The following COL5A2 variants were observed in gnomAD, a reference collection of about 807,000 sequenced individuals.
COL5A2 encodes collagen alpha-2(V) chain.
A neutral mutation model predicts 208.2 loss-of-function variants in COL5A2; 23 were observed. The ratio of observed to expected loss-of-function variants is 0.11; its 90% CI spans 0.08 to 0.16. The LOEUF (loss-of-function observed/expected upper bound fraction) is 0.16. Among genes scored for constraint, COL5A2 ranks in the 10% least tolerant of loss-of-function variants. The pLI, the probability that COL5A2 is intolerant of heterozygous loss-of-function variation, is 1.00. For missense variants in COL5A2, 1,590 were observed against 1,956.4 expected (o/e 0.81, Z 3.53); for synonymous variants, 625 against 628.5 (o/e 0.99, Z 0.08).
the COL5A2 span, among the ~76,000 whole-genome samples, chr2:189,253,967 A>T: frequency 6.6e-6 from 1 of 152,224 alleles, no homozygotes; most frequent in African/African-American, 2.4e-5. Flanking sequence ...TCACTCACTC[A>T]CACACTCAGT....
chr2:189,369,660 C>A, the COL5A2 span, among the ~76,000 whole-genome samples: 9 of 152,168 alleles, frequency 5.9e-5, no homozygotes, highest in East Asian at 1.7e-3. Flanking sequence ...AATTGAGAGC[C>A]AGTATTCTAC....
At chr2:189,136,190 CAT>C (rs907358850) in intron 1 of COL5A2, among the ~76,000 whole-genome samples, 1 of 152,172 alleles carries the variant, frequency 6.6e-6, no homozygotes, top group Non-Finnish European at 1.5e-5. Context: ...CTATGCTACA[CAT>C]GTTCATAGGA....
chr2:189,297,486 C>CA, the COL5A2 span, among the ~76,000 whole-genome samples: 3 of 152,100 alleles, frequency 2.0e-5, no homozygotes, highest in Admixed American at 2.0e-4. Context: ...ACTATGTACT[C>CA]AAAAAATTAA....
chr2:189,362,741 A>G, the COL5A2 span, among the ~76,000 whole-genome samples: 1 of 152,148 alleles, frequency 6.6e-6, no homozygotes, highest in African/African-American at 2.4e-5. Flanking sequence ...GGAAATATTC[A>G]CTAGAAAGAT....
the COL5A2 span, among the ~76,000 whole-genome samples, chr2:189,305,243 C>T: frequency 2.0e-5 from 3 of 152,170 alleles, no homozygotes; most frequent in Non-Finnish European, 2.9e-5. Flanking sequence ...ATGCGTGGGC[C>T]CAACAGCAGA....
chr2:189,414,724 A>T, the COL5A2 span, among the ~76,000 whole-genome samples: 1 of 137,442 alleles, frequency 7.3e-6, no homozygotes, highest in Non-Finnish European at 1.5e-5. Flanking sequence ...ACCCCACTCC[A>T]GCCTGGGTGA....
chr2:189,158,965 T>C (rs1001551859), intron 1 of COL5A2, among the ~76,000 whole-genome samples: 2 of 152,176 alleles, frequency 1.3e-5, no homozygotes, highest in African/African-American at 4.8e-5. Flanking sequence ...AATATATAGA[T>C]TGATTATTTG....
At chr2:189,311,131 A>G in the COL5A2 span, 1 of 590,302 alleles carries the variant, frequency 1.7e-6, no homozygotes, top group Non-Finnish European at 3.0e-6. Flanking sequence ...ATCCAAGGCA[A>G]CCAGGGGCTG....
chr2:189,235,160 A>T, the COL5A2 span, among the ~76,000 whole-genome samples: 5 of 151,680 alleles, frequency 3.3e-5, no homozygotes, highest in Admixed American at 1.3e-4. Context: ...ACATGAGTCC[A>T]GTGTCTGCTA....
At position 189,085,701 on chromosome 2, in the gene COL5A2, T is replaced by C. The variant is rs373820975; in HGVS notation, c.744+18A>G. On this transcript the variant is annotated intron_variant, in intron 10 of 53. Coordinates refer to ENST00000374866, the MANE Select transcript of COL5A2 (RefSeq NM_000393.5). ...GGACCCAAATGTAACTGGGTCTACA[T>C]GCTTACTTGACATTTACCATTGGTC... 6.2e-6 allele frequency: 10 copies of C among 1,611,474 alleles called. No homozygotes were observed. The highest frequency in any genetic ancestry group is 1.1e-5 in the South Asian group (1 of 91,054).
At chr2:189,441,066 A>T in the COL5A2 span, among the ~76,000 whole-genome samples, 2 of 152,028 alleles carry the variant, frequency 1.3e-5, no homozygotes, top group Non-Finnish European at 2.9e-5. Flanking sequence ...AAAACCAGGG[A>T]CGCGAGAGGC....
intron 5 of COL5A2, chr2:189,097,596 C>G: frequency 1.6e-6 from 1 of 633,134 alleles, no homozygotes; most frequent in Non-Finnish European, 2.9e-6. Context: ...AATAGATTAG[C>G]TTGACTAGTA....
chr2:189,179,401 A>C, intron 1 of COL5A2, 107 bp downstream of exon 1: 1 of 1,317,954 alleles, frequency 7.6e-7, no homozygotes, highest in South Asian at 1.3e-5. Context: ...CCCCTTCTCA[A>C]ACTTCAAACC....
At chr2:189,284,228 A>G in the COL5A2 span, among the ~76,000 whole-genome samples, 1 of 152,216 alleles carries the variant, frequency 6.6e-6, no homozygotes, top group Non-Finnish European at 1.5e-5. Flanking sequence ...TTCCTAATCA[A>G]TGACCACTTT....
chr2:189,286,549 G>A, the COL5A2 span, among the ~76,000 whole-genome samples: 1 of 152,190 alleles, frequency 6.6e-6, no homozygotes, highest in Middle Eastern at 3.4e-3. Flanking sequence ...ACGGGAGGTG[G>A]TCAGACTTGA....
chr2:189,048,225 C>A lies in COL5A2; in HGVS notation c.3185G>T (p.Gly1062Val). Reference protein sequence around the residue: ...AGNDGTPGRDGAVGERGDRGD... With the variant: ...AGNDGTPGRDVAVGERGDRGD... ...GGCTCTTACACGTTCTCCAACAGCA[C>A]CATCCCGTCCTGGGGTACCATCATT... The change falls in exon 45 of 54, where the codon GGT (glycine) becomes GTT (valine). Residue 1062 changes from glycine (G) to valine (V), a missense_variant. By Grantham distance (109) the Gly-to-Val change is moderately radical. Transcript: ENST00000374866. 1 of 1,614,012 alleles carries A rather than the reference C, an allele frequency of 6.2e-7. No homozygotes were observed. The highest frequency in any genetic ancestry group is 8.5e-7 in the Non-Finnish European group (1 of 1,179,950).
chr2:189,367,079 C>T, the COL5A2 span, among the ~76,000 whole-genome samples: 1 of 152,226 alleles, frequency 6.6e-6, no homozygotes, highest in African/African-American at 2.4e-5. Flanking sequence ...GAAATTCTCC[C>T]TCACTCTTGC....
chr2:189,376,334 C>A, the COL5A2 span, among the ~76,000 whole-genome samples: 1 of 151,906 alleles, frequency 6.6e-6, no homozygotes, highest in Non-Finnish European at 1.5e-5. Flanking sequence ...ATAGTTAACT[C>A]TGCATGAGAT....
chr2:189,086,765 A>G lies in COL5A2; in HGVS notation c.651T>C (p.Pro217=). 1 of 1,581,034 alleles carries G rather than the reference A, an allele frequency of 6.3e-7. No homozygotes were observed. The highest frequency in any genetic ancestry group is 8.6e-7 in the Non-Finnish European group (1 of 1,159,894). The change falls in exon 9 of 54, where the codon CCT becomes CCC. Residue 217 remains proline, a synonymous_variant. Transcript: ENST00000374866. ...AACCCTGTGGTCCCCTTGGGCCAACAGGACCCTTAAAAACAAATGAGGAGA... is the reference window on the plus strand; with the variant it reads ...AACCCTGTGGTCCCCTTGGGCCAACGGGACCCTTAAAAACAAATGAGGAGA... ...QVGLMPGSVG[P]VGPRGPQGLQ...
Sources: allele counts gnomAD v4.1 joint callset (sites outside exome capture counted in the v4.1 genomes callset), GRCh38; gene constraint gnomAD v4.1.1; transcripts MANE v1.5; gene names NCBI Gene and HGNC (gene_info 2026-07-23, HGNC 2026-07-21).